The following AUTS2 variants were observed in gnomAD, a reference collection of about 807,000 sequenced individuals.
AUTS2 encodes autism susceptibility gene 2 protein.
Under a neutral mutation model 112.4 loss-of-function variants are expected in AUTS2, and 17 were observed. That is an observed-to-expected ratio of 0.15 (90% CI 0.10 to 0.23). The LOEUF is 0.23. Ranked by LOEUF, AUTS2 falls within the 10% of genes least tolerant of loss-of-function variation. AUTS2 has a pLI of 1.00. For missense variants in AUTS2, 1,510 were observed against 1,701.6 expected (o/e 0.89, Z 1.98); for synonymous variants, 751 against 702.7 (o/e 1.07, Z -1.09).
chr7:69,764,152 A>G (rs555202725), intron 1 of AUTS2, among the ~76,000 whole-genome samples: 41 of 152,308 alleles, frequency 2.7e-4, no homozygotes, highest in African/African-American at 8.9e-4. Flanking sequence ...ACTCGATTCC[A>G]TTCTTGCTGA....
At chr7:70,543,181 G>C (rs1203726585) in intron 5 of AUTS2, among the ~76,000 whole-genome samples, 1 of 152,162 alleles carries the variant, frequency 6.6e-6, no homozygotes, top group East Asian at 1.9e-4. Flanking sequence ...ATCCAAATAA[G>C]GGAGGAGTAT....
intron 4 of AUTS2, among the ~76,000 whole-genome samples, chr7:70,231,741 C>A (rs889284510): frequency 2.8e-5 from 4 of 141,090 alleles, no homozygotes; most frequent in African/African-American, 8.1e-5. Flanking sequence ...CACACCTGGC[C>A]TAGATATGAG....
At chr7:70,491,670 A>G (rs930176064) in intron 5 of AUTS2, among the ~76,000 whole-genome samples, 3 of 149,904 alleles carry the variant, frequency 2.0e-5, no homozygotes, top group African/African-American at 7.4e-5. Flanking sequence ...GCTAGAGTGC[A>G]GTGGCGCAAT....
At chr7:70,487,376 G>T (rs1798054939) in intron 5 of AUTS2, among the ~76,000 whole-genome samples, 2 of 152,272 alleles carry the variant, frequency 1.3e-5, no homozygotes, top group South Asian at 4.1e-4. Context: ...TACCTTTCTT[G>T]TTGTTTTCAC....
intron 5 of AUTS2, among the ~76,000 whole-genome samples, chr7:70,668,397 C>T (rs569955797): frequency 1.8e-4 from 27 of 152,330 alleles, no homozygotes; most frequent in African/African-American, 6.5e-4. Flanking sequence ...GTGGATTCAG[C>T]TCATCAAATG....
chr7:69,983,410 A>C (rs1483031243), intron 2 of AUTS2, among the ~76,000 whole-genome samples: 3 of 151,578 alleles, frequency 2.0e-5, no homozygotes, highest in African/African-American at 7.3e-5. Flanking sequence ...TTATTCTCTC[A>C]AGTTATTGTT....
chr7:70,454,272 C>T (rs1054173379), intron 5 of AUTS2, among the ~76,000 whole-genome samples: 3 of 152,142 alleles, frequency 2.0e-5, no homozygotes, highest in Non-Finnish European at 2.9e-5. Flanking sequence ...TGGTGTCTCA[C>T]GCCTGTAATC....
At chr7:70,774,139 G>A in intron 12 of AUTS2, 40 bp downstream of exon 12, 1 of 1,598,226 alleles carries the variant, frequency 6.3e-7, no homozygotes, top group South Asian at 1.1e-5. Context: ...TAACACCAGG[G>A]TGTGTGTGTT....
intron 2 of AUTS2, 137 bp from the exon 3 acceptor site, chr7:70,117,995 A>T: frequency 1.8e-6 from 2 of 1,095,932 alleles, no homozygotes; most frequent in Non-Finnish European, 2.4e-6. Context: ...TGATCCTCCT[A>T]CCTCTGCCTC....
At chr7:70,289,715 T>G (rs952912387) in intron 4 of AUTS2, among the ~76,000 whole-genome samples, 2 of 152,226 alleles carry the variant, frequency 1.3e-5, no homozygotes, top group Non-Finnish European at 1.5e-5. Flanking sequence ...TAGATGATTT[T>G]GGGCTTCCCT....
intron 2 of AUTS2, among the ~76,000 whole-genome samples, chr7:69,997,550 C>T (rs1183260708): frequency 7.9e-5 from 12 of 152,292 alleles, no homozygotes; most frequent in Non-Finnish European, 4.4e-5. Context: ...GCATGCTATA[C>T]AAGCATAGCA....
At chr7:70,137,745 A>G (rs562604923) in intron 4 of AUTS2, among the ~76,000 whole-genome samples, 39 of 152,328 alleles carry the variant, frequency 2.6e-4, no homozygotes, top group African/African-American at 9.4e-4. Flanking sequence ...ACTCTATACT[A>G]CCAAATAATA....
rs573074775 is a variant in AUTS2 at position 70,734,843 on chromosome 7, T to C, written c.743-28027T>C. The stretch of plus-strand genomic sequence containing the variant: ...AAGCAACATCTTCCTAAAGAGGTTG[T>C]TATGAGACATTAGAAGGCCTGCTTT... On this transcript the variant is annotated intron_variant, in intron 6 of 18. Transcript: ENST00000342771. Among the ~76,000 whole-genome samples the C allele has an allele frequency of 3.9e-5, 6 of 152,278 alleles. No individual in the cohort carries two copies. The South Asian group carries it at 1.2e-3, about 32-fold the overall frequency.
intron 5 of AUTS2, among the ~76,000 whole-genome samples, chr7:70,609,970 T>TGTC (rs1485841310): frequency 6.8e-6 from 1 of 146,528 alleles, no homozygotes; most frequent in Non-Finnish European, 1.5e-5. Context: ...TTGTTGTTGT[T>TGTC]GTTGTTGTTG....
intron 5 of AUTS2, among the ~76,000 whole-genome samples, chr7:70,460,091 G>A (rs995709772): frequency 6.6e-6 from 1 of 152,132 alleles, no homozygotes; most frequent in Non-Finnish European, 1.5e-5. Flanking sequence ...TATAGAGGAG[G>A]GAACTCCCCA....
intron 4 of AUTS2, among the ~76,000 whole-genome samples, chr7:70,400,236 T>G (rs1794269282): frequency 6.6e-6 from 1 of 152,166 alleles, no homozygotes; most frequent in African/African-American, 2.4e-5. Context: ...TTGAGCAGCC[T>G]TGGGAAAATT....
intron 5 of AUTS2, among the ~76,000 whole-genome samples, chr7:70,674,099 GCCTGTTTCACAGGCC>G (rs1807786332): frequency 6.6e-6 from 1 of 152,072 alleles, no homozygotes; most frequent in Non-Finnish European, 1.5e-5. Flanking sequence ...AGTCACTAAG[GCCTGTTTCACAGGCC>G]CCTTGACTGG....
intron 1 of AUTS2, among the ~76,000 whole-genome samples, chr7:69,768,252 G>A (rs550952922): frequency 4.6e-5 from 7 of 152,352 alleles, no homozygotes; most frequent in East Asian, 3.9e-4. Flanking sequence ...GCTGGGTTGT[G>A]TAAATTGAAT....
intron 5 of AUTS2, among the ~76,000 whole-genome samples, chr7:70,481,858 G>A (rs140075446): frequency 2.6e-5 from 4 of 152,192 alleles, no homozygotes; most frequent in Non-Finnish European, 4.4e-5. Context: ...CCTCTTAAAC[G>A]TTGATTGTTC....
Sources: gnomAD v4.1 joint callset for allele counts (sites outside exome capture counted in the v4.1 genomes callset) on GRCh38, gnomAD v4.1.1 for gene constraint, MANE v1.5 for transcripts, NCBI Gene and HGNC (gene_info 2026-07-23, HGNC 2026-07-21) for gene names.